The following ARHGAP26 variants were observed in gnomAD, a reference collection of about 807,000 sequenced individuals.
ARHGAP26 encodes Rho GTPase activating protein 26.
In ARHGAP26, 38 loss-of-function variants were observed where a neutral mutation model predicts 104.8. The observed-to-expected ratio is 0.36, with a 90% CI of 0.28 to 0.48. ARHGAP26 has a LOEUF of 0.48. Ranked by LOEUF, ARHGAP26 falls within the 20% of genes least tolerant of loss-of-function variation. The probability of loss-of-function intolerance (pLI) is 0.99; values close to 1 mark genes in which losing one functional copy is unlikely to be tolerated. For missense variants in ARHGAP26, 704 were observed against 947.9 expected (o/e 0.74, Z 3.38); for synonymous variants, 341 against 340.0 (o/e 1.00, Z -0.03).
chr5:142,811,676 C>T (rs1438112900), intron 1 of ARHGAP26, among the ~76,000 whole-genome samples: 1 of 151,982 alleles, frequency 6.6e-6, no homozygotes, highest in Non-Finnish European at 1.5e-5. Flanking sequence ...GACTTACCTC[C>T]TGGGGTTATT....
At chr5:143,147,557 C>T (rs554081179) in intron 20 of ARHGAP26, 176 bp downstream of exon 20, 6 of 649,770 alleles carry the variant, frequency 9.2e-6, no homozygotes, top group Non-Finnish European at 1.5e-5. Context: ...ATCATCATCT[C>T]AGAGGGAGTC....
At chr5:142,937,324 G>A (rs112988858) in intron 11 of ARHGAP26, among the ~76,000 whole-genome samples, 1 of 152,228 alleles carries the variant, frequency 6.6e-6, no homozygotes, top group African/African-American at 2.4e-5. Context: ...TTAGCCATTA[G>A]GGAAATGCAA....
At position 143,023,721 on chromosome 5, in the gene ARHGAP26, A is replaced by G. The variant is rs1414066920; in HGVS notation, c.1144+9605A>G. ...AACCTGAGAAGGGTGGAAGGCATTAATGGGCACAGTGGCCTGGCCGCCTAT... is the reference window on the plus strand; with the variant it reads ...AACCTGAGAAGGGTGGAAGGCATTAGTGGGCACAGTGGCCTGGCCGCCTAT... On this transcript the variant is annotated intron_variant, in intron 12 of 22. Transcript: ENST00000645722. 3.9e-5 allele frequency among the ~76,000 whole-genome samples: 6 copies of G among 152,284 alleles called. No homozygotes were observed. In the East Asian group the frequency reaches 1.2e-3, roughly 29 times the overall value.
intron 17 of ARHGAP26, among the ~76,000 whole-genome samples, chr5:143,059,074 A>G (rs3776341): frequency 0.016 from 2,364 of 152,356 alleles, 78 homozygotes; most frequent in South Asian, 0.1. Flanking sequence ...GTTGAGTACC[A>G]GTTCCACACA....
rs1019430536 is a variant in ARHGAP26 at position 142,809,027 on chromosome 5, G to A, written c.154+38112G>A. On this transcript the variant is annotated intron_variant, in intron 1 of 22. Coordinates refer to ENST00000645722, the MANE Select transcript of ARHGAP26 (RefSeq NM_001135608.3). ...AAGTGCCTGTATGGCTGGCTGTTCT[G>A]ATTTTAAGTCATGAGCTTTGACTTT... Among the ~76,000 whole-genome samples the A allele has an allele frequency of 4.6e-5, 7 of 152,190 alleles. 1 individual carries two copies. Among genetic ancestry groups the A allele is most frequent in the African/African-American group, 1.7e-4 (7 of 41,448 alleles).
In ARHGAP26 at chr5:143,123,314, C is replaced by T. The variant is rs550664368; in HGVS notation, c.1698+2167C>T. On this transcript the variant is annotated intron_variant, in intron 18 of 22. Transcript: ENST00000645722. ...CAATTGGAATAAGCCATCTTGACTC[C>T]TTTTTCACTGTAGCTTCAGGCCTAG... Among the ~76,000 whole-genome samples the T allele has an allele frequency of 4.6e-5, 7 of 152,320 alleles. No individual in the cohort carries two copies. In the East Asian group the frequency reaches 5.8e-4, roughly 13 times the overall value.
chr5:143,112,262 G>A (rs941596248), intron 17 of ARHGAP26, among the ~76,000 whole-genome samples: 3 of 152,172 alleles, frequency 2.0e-5, no homozygotes, highest in African/African-American at 4.8e-5. Context: ...AAGGAGGACA[G>A]AGCCAAGTCA....
intron 17 of ARHGAP26, among the ~76,000 whole-genome samples, chr5:143,069,091 T>G (rs1787905701): frequency 1.3e-5 from 2 of 152,174 alleles, no homozygotes; most frequent in Non-Finnish European, 2.9e-5. Context: ...TCATCTCCCC[T>G]CCTGCCATCC....
chr5:142,931,042 T>G (rs1764641435), intron 10 of ARHGAP26, among the ~76,000 whole-genome samples: 1 of 152,222 alleles, frequency 6.6e-6, no homozygotes, highest in African/African-American at 2.4e-5. Context: ...ACTTTAGTTC[T>G]TGCTCAGTGG....
At chr5:143,190,875 T>C (rs1360916436) in intron 20 of ARHGAP26, among the ~76,000 whole-genome samples, 3 of 152,232 alleles carry the variant, frequency 2.0e-5, no homozygotes, top group Non-Finnish European at 4.4e-5. Flanking sequence ...ATTGACTACT[T>C]ATACACGCCA....
chr5:143,176,460 G>C (rs983650991), intron 20 of ARHGAP26, among the ~76,000 whole-genome samples: 4 of 152,176 alleles, frequency 2.6e-5, no homozygotes, highest in African/African-American at 4.8e-5. Flanking sequence ...AAGCACCATG[G>C]CATGTTTGTT....
chr5:143,147,883 T>G (rs1229980465), intron 20 of ARHGAP26, among the ~76,000 whole-genome samples: 2 of 152,214 alleles, frequency 1.3e-5, no homozygotes, highest in African/African-American at 4.8e-5. Flanking sequence ...TATGACTTCT[T>G]GACAGAGACT....
chr5:142,771,580 C>T (rs909642597), intron 1 of ARHGAP26, among the ~76,000 whole-genome samples: 9 of 152,206 alleles, frequency 5.9e-5, no homozygotes, highest in African/African-American at 1.9e-4. Context: ...TCAGAGTGTT[C>T]CTTTACTCTA....
chr5:142,870,244 C>T (rs1378427303), intron 1 of ARHGAP26, among the ~76,000 whole-genome samples: 1 of 152,160 alleles, frequency 6.6e-6, no homozygotes, highest in East Asian at 1.9e-4. Context: ...TGTTAGATTC[C>T]TGTGTGCATC....
intron 17 of ARHGAP26, among the ~76,000 whole-genome samples, chr5:143,060,192 C>T (rs1003280974): frequency 2.0e-5 from 3 of 152,210 alleles, no homozygotes; most frequent in Non-Finnish European, 4.4e-5. Flanking sequence ...GGGCTACTTA[C>T]TTAATGGTCA....
At chr5:142,947,118 A>AAAAAAGAG (rs1336588621) in intron 11 of ARHGAP26, 1 of 144,520 alleles carries the variant, frequency 6.9e-6, no homozygotes, top group East Asian at 2.1e-4. Context: ...AAAAAAAAAA[A>AAAAAAGAG]AGAGAGAGAG....
At chr5:143,172,959 G>T (rs1051284514) in intron 20 of ARHGAP26, 6 of 180,146 alleles carry the variant, frequency 3.3e-5, no homozygotes, top group African/African-American at 1.4e-4. Context: ...GTCTCCATAG[G>T]GTTCATGCGA....
chr5:143,061,061 T>C (rs1456182543), intron 17 of ARHGAP26, among the ~76,000 whole-genome samples: 3 of 152,368 alleles, frequency 2.0e-5, no homozygotes, highest in African/African-American at 7.2e-5. Flanking sequence ...GTTTTTGTTT[T>C]AAAATCATGC....
intron 14 of ARHGAP26, among the ~76,000 whole-genome samples, chr5:143,052,805 C>T (rs1785237040): frequency 6.6e-6 from 1 of 152,146 alleles, no homozygotes; most frequent in South Asian, 2.1e-4. Context: ...TTCTGCCCAC[C>T]TCTGACTTAT....
Sources: gnomAD v4.1 joint callset for allele counts (sites outside exome capture counted in the v4.1 genomes callset) on GRCh38, gnomAD v4.1.1 for gene constraint, MANE v1.5 for transcripts, NCBI Gene and HGNC (gene_info 2026-07-23, HGNC 2026-07-21) for gene names.